The following CHRNA7 variants were observed in gnomAD, a reference collection of about 807,000 sequenced individuals.
CHRNA7 encodes neuronal acetylcholine receptor subunit alpha-7.
CHRNA7 carries 17 observed loss-of-function variants against 48.0 expected under a neutral mutation model. The ratio of observed to expected loss-of-function variants is 0.35; its 90% confidence interval spans 0.24 to 0.53. CHRNA7 has a LOEUF of 0.53. Ranked by LOEUF, CHRNA7 falls within the 20% of genes least tolerant of loss-of-function variation. CHRNA7 has a pLI of 0.92. For missense variants in CHRNA7, 155 were observed against 577.7 expected (o/e 0.27, Z 7.50); for synonymous variants, 75 against 242.3 (o/e 0.31, Z 6.41).
At chr15:32,055,276 G>A (rs1160878100) in intron 2 of CHRNA7, among the ~76,000 whole-genome samples, 1 of 146,848 alleles carries the variant, frequency 6.8e-6, no homozygotes, top group African/African-American at 2.5e-5. Context: ...TTATTGATTT[G>A]TATGAGTTTT....
chr15:32,141,281 A>G (rs1017354314), intron 4 of CHRNA7, among the ~76,000 whole-genome samples: 2 of 152,094 alleles, frequency 1.3e-5, no homozygotes, highest in African/African-American at 2.4e-5. Context: ...ATTGGTCTAT[A>G]TCTCTGTTTT....
At chr15:32,040,458 A>G (rs942385021) in intron 2 of CHRNA7, among the ~76,000 whole-genome samples, 3 of 151,994 alleles carry the variant, frequency 2.0e-5, no homozygotes, top group East Asian at 1.9e-4. Context: ...TACATTTACA[A>G]CTAACCCAAG....
At chr15:32,123,013 A>C (rs935554089) in intron 4 of CHRNA7, among the ~76,000 whole-genome samples, 2 of 152,226 alleles carry the variant, frequency 1.3e-5, no homozygotes, top group African/African-American at 4.8e-5. Flanking sequence ...GGCAAAAATG[A>C]AAGCAGTTTT....
rs185334579 is a variant in CHRNA7 at position 32,043,951 on chromosome 15, G to A, written c.195+12914G>A. Among the ~76,000 whole-genome samples the A allele has an allele frequency of 3.3e-5, 5 of 152,216 alleles. No individual in the cohort carries two copies. The East Asian group carries it at 9.7e-4, about 29-fold the overall frequency. ...CAGAAATACAGACTTTGTGTTGCCGGTTAGTTACAGCACTTTTATATACAG... is the reference window on the plus strand; with the variant it reads ...CAGAAATACAGACTTTGTGTTGCCGATTAGTTACAGCACTTTTATATACAG... On this transcript the variant is annotated intron_variant, in intron 2 of 9. Coordinates refer to ENST00000306901, the MANE Select transcript of CHRNA7 (RefSeq NM_000746.6).
At position 32,070,948 on chromosome 15, in the gene CHRNA7, A is replaced by G. The variant is rs370935514; in HGVS notation, c.196-30355A>G. Among the ~76,000 whole-genome samples the G allele has an allele frequency of 5.2e-3, 787 of 151,622 alleles. 6 individuals carry two copies. The highest frequency in any genetic ancestry group is 0.015 in the South Asian group (74 of 4,796). ...ATGATCCGCCCATCTCAGCCTCCCA[A>G]AGTGCTGGGATTACAGGCATGAGCC... On this transcript the variant is annotated intron_variant, in intron 2 of 9. Coordinates refer to ENST00000306901, the MANE Select transcript of CHRNA7 (RefSeq NM_000746.6).
intron 2 of CHRNA7, among the ~76,000 whole-genome samples, chr15:32,095,289 T>A (rs1595439814): frequency 3.3e-5 from 5 of 152,286 alleles, no homozygotes; most frequent in Admixed American, 3.3e-4. Flanking sequence ...CTCTCAGACA[T>A]CCAGGCTTCA....
At chr15:32,037,417 G>A (rs746945995) in intron 2 of CHRNA7, among the ~76,000 whole-genome samples, 2 of 152,064 alleles carry the variant, frequency 1.3e-5, no homozygotes, top group Non-Finnish European at 2.9e-5. Flanking sequence ...TGGGTCTTTT[G>A]CGTCTCTCTA....
At chr15:32,103,170 G>A (rs1263443399) in intron 3 of CHRNA7, 2 of 152,154 alleles carry the variant, frequency 1.3e-5, no homozygotes, top group Non-Finnish European at 2.9e-5. Flanking sequence ...GAGTTATCCT[G>A]CGAATACACG....
At chr15:32,144,019 G>A (rs969288072) in intron 4 of CHRNA7, among the ~76,000 whole-genome samples, 1 of 152,296 alleles carries the variant, frequency 6.6e-6, no homozygotes, top group African/African-American at 2.4e-5. Flanking sequence ...AGCATCGATG[G>A]TCTTTACCAT....
intron 2 of CHRNA7, among the ~76,000 whole-genome samples, chr15:32,064,474 G>T (rs1349969765): frequency 1.2e-5 from 1 of 85,436 alleles, no homozygotes; most frequent in African/African-American, 4.3e-5. Context: ...TAGAAGCTGT[G>T]TGTGTGTAGT....
At chr15:32,115,020 C>G (rs987971890) in intron 4 of CHRNA7, among the ~76,000 whole-genome samples, 1 of 152,226 alleles carries the variant, frequency 6.6e-6, no homozygotes, top group African/African-American at 2.4e-5. Flanking sequence ...TGTCCCCCAG[C>G]TTGGTGGCCA....
intron 2 of CHRNA7, among the ~76,000 whole-genome samples, chr15:32,067,232 A>T (rs2049981398): frequency 6.6e-6 from 1 of 152,242 alleles, no homozygotes; most frequent in African/African-American, 2.4e-5. Context: ...ATACATCATA[A>T]TCAAACTGTT....
chr15:32,148,440 C>G (rs1408018304), intron 4 of CHRNA7, among the ~76,000 whole-genome samples: 1 of 152,146 alleles, frequency 6.6e-6, no homozygotes, highest in Non-Finnish European at 1.5e-5. Context: ...CCGTAGAGGT[C>G]AATGCTACAG....
intron 4 of CHRNA7, among the ~76,000 whole-genome samples, chr15:32,114,045 T>G (rs376907734): frequency 5.7e-5 from 2 of 35,348 alleles, no homozygotes; most frequent in African/African-American, 1.4e-4. Flanking sequence ...TATATATATG[T>G]ATATATATAT....
chr15:32,070,669 C>CTTTTTTTTTTTTTTTTTTTT (rs71113441), intron 2 of CHRNA7, among the ~76,000 whole-genome samples: 5 of 40,894 alleles, frequency 1.2e-4, no homozygotes, highest in African/African-American at 4.6e-4. Flanking sequence ...GGTTTAGTTC[C>CTTTTTTTTTTTTTTTTTTTT]TTTTTTTTTT....
intron 2 of CHRNA7, among the ~76,000 whole-genome samples, chr15:32,078,034 A>G (rs560918230): frequency 1.4e-4 from 21 of 152,290 alleles, no homozygotes; most frequent in African/African-American, 5.1e-4. Flanking sequence ...CAGACAAACT[A>G]TAGCAAGGTC....
chr15:32,047,410 A>G (rs370905568), intron 2 of CHRNA7, among the ~76,000 whole-genome samples: 51 of 151,848 alleles, frequency 3.4e-4, no homozygotes, highest in African/African-American at 1.1e-3. Context: ...TGGATTCCTA[A>G]GTATTTTATT....
intron 2 of CHRNA7, among the ~76,000 whole-genome samples, chr15:32,049,592 C>G: frequency 6.6e-6 from 1 of 152,114 alleles, no homozygotes; most frequent in Non-Finnish European, 1.5e-5. Flanking sequence ...GGTCTTGACT[C>G]TTTATCCAAT....
At chr15:32,112,778 G>T (rs2050784927) in intron 4 of CHRNA7, among the ~76,000 whole-genome samples, 1 of 152,204 alleles carries the variant, frequency 6.6e-6, no homozygotes, top group Admixed American at 6.5e-5. Context: ...GCAATGTGTT[G>T]TCCTACATGG....
Sources: gnomAD v4.1 joint callset for allele counts (sites outside exome capture counted in the v4.1 genomes callset) on GRCh38, gnomAD v4.1.1 for gene constraint, MANE v1.5 for transcripts, NCBI Gene and HGNC (gene_info 2026-07-23, HGNC 2026-07-21) for gene names.